The following MICOS10 variants were observed in gnomAD, a reference collection of about 807,000 sequenced individuals.
MICOS10 encodes the protein mitochondrial contact site and cristae organizing system subunit 10, also known as MICOS complex subunit MIC10.
A neutral mutation model predicts 13.4 loss-of-function variants in MICOS10; 5 were observed. The ratio of observed to expected loss-of-function variants is 0.37; its 90% CI spans 0.20 to 0.78. MICOS10 has a LOEUF of 0.78. Among genes scored for constraint, MICOS10 ranks in the 30% least tolerant of loss-of-function variants. The pLI is 0.47. For missense variants in MICOS10, 101 were observed against 94.6 expected (o/e 1.07, Z -0.28); for synonymous variants, 35 against 33.6 (o/e 1.04, Z -0.15).
At chr1:19,622,793 G>A (rs952037510) in intron 2 of MICOS10, among the ~76,000 whole-genome samples, 3 of 151,976 alleles carry the variant, frequency 2.0e-5, no homozygotes, top group African/African-American at 4.8e-5. Context: ...TGTAAATATC[G>A]GTAAAATGCT....
At chr1:19,607,579 A>G (rs905032134) in intron 1 of MICOS10, among the ~76,000 whole-genome samples, 2 of 152,254 alleles carry the variant, frequency 1.3e-5, no homozygotes, top group African/African-American at 4.8e-5. Flanking sequence ...GAAAGCTAAC[A>G]TTAATTGAAT....
intron 2 of MICOS10, among the ~76,000 whole-genome samples, chr1:19,622,452 CAG>C (rs1319315250): frequency 5.3e-5 from 8 of 152,142 alleles, no homozygotes; most frequent in African/African-American, 1.9e-4. Flanking sequence ...TCTACACGCT[CAG>C]ATATTTCTAA....
intron 1 of MICOS10, among the ~76,000 whole-genome samples, chr1:19,611,469 ATTTTTTTT>A (rs768118529): frequency 1.1e-5 from 1 of 90,372 alleles, no homozygotes; most frequent in African/African-American, 5.2e-5. Context: ...TTGCAACTTG[ATTTTTTTT>A]TTTTTTTTTT....
intron 1 of MICOS10, chr1:19,617,302 C>T (rs2094887749): frequency 1.0e-6 from 1 of 985,012 alleles, no homozygotes; most frequent in African/African-American, 1.7e-5. Context: ...TGCAGATGTT[C>T]CAGCCTCTGT....
At chr1:19,606,732 C>A (rs1384283145) in intron 1 of MICOS10, among the ~76,000 whole-genome samples, 2 of 147,456 alleles carry the variant, frequency 1.4e-5, no homozygotes, top group Non-Finnish European at 3.0e-5. Flanking sequence ...GGCGACAGAA[C>A]AAGAAGGCTC....
intron 1 of MICOS10, among the ~76,000 whole-genome samples, chr1:19,615,676 G>A (rs1341615027): frequency 2.7e-5 from 4 of 146,502 alleles, no homozygotes; most frequent in South Asian, 4.3e-4. Flanking sequence ...AGGCTCAAGC[G>A]ATCCTCCCAC....
chr1:19,608,539 GA>G, intron 1 of MICOS10: 1 of 984,680 alleles, frequency 1.0e-6, no homozygotes, highest in African/African-American at 1.6e-5. Flanking sequence ...GCACTCTCAG[GA>G]AGGGGGTCAC....
chr1:19,602,041 T>C (rs569344591), intron 1 of MICOS10, among the ~76,000 whole-genome samples: 2 of 152,352 alleles, frequency 1.3e-5, no homozygotes, highest in African/African-American at 2.4e-5. Flanking sequence ...TTATTCTTTA[T>C]CACATCATTT....
rs1360409877 is a variant in MICOS10 at position 19,626,639 on chromosome 1, A to G, written c.*238A>G. Reference sequence around the variant, plus strand: ...TAAACAAAAAGAGGAAGTCCATTGCATGGCCTTTGTTTCTTCACCTTTGGT... The same window carrying G: ...TAAACAAAAAGAGGAAGTCCATTGCGTGGCCTTTGTTTCTTCACCTTTGGT... On this transcript the variant is annotated 3_prime_UTR_variant, in exon 4 of 4. Coordinates refer to ENST00000322753, the MANE Select transcript of MICOS10 (RefSeq NM_001032363.4). 3 of 514,704 alleles carry G rather than the reference A, an allele frequency of 5.8e-6. No individual in the cohort carries two copies. The highest frequency in any genetic ancestry group is 3.5e-6 in the Non-Finnish European group (1 of 283,852). 31.9% of individuals were successfully genotyped at this position (514,704 alleles called of 1,614,324 possible).
chr1:19,606,003 A>C (rs1570471916), intron 1 of MICOS10, among the ~76,000 whole-genome samples: 1 of 152,226 alleles, frequency 6.6e-6, no homozygotes, highest in African/African-American at 2.4e-5. Flanking sequence ...TTCTGATTTC[A>C]GAAAGATCAC....
intron 1 of MICOS10, among the ~76,000 whole-genome samples, chr1:19,611,469 ATTTTTT>A (rs768118529): frequency 1.1e-5 from 1 of 90,372 alleles, no homozygotes. Flanking sequence ...TTGCAACTTG[ATTTTTT>A]TTTTTTTTTT....
At chr1:19,611,880 G>C (rs112734856) in intron 1 of MICOS10, among the ~76,000 whole-genome samples, 3,046 of 149,942 alleles carry the variant, frequency 0.02, 103 homozygotes, top group African/African-American at 0.071. Context: ...GCTGAGGCAG[G>C]AGAATCGCTT....
rs1460453128 is a variant in MICOS10 at position 19,629,729 on chromosome 1, T to C, written c.*3328T>C. 1 of 152,228 alleles carries C rather than the reference T, an allele frequency of 6.6e-6. No individual in the cohort carries two copies. Among genetic ancestry groups the C allele is most frequent in the African/African-American group, 2.4e-5 (1 of 41,464 alleles). 9.4% of individuals were successfully genotyped at this position (152,228 alleles called of 1,614,324 possible). Reference sequence around the variant, plus strand: ...TTTTAAAAATGTAACCAACCCATAATTGCATTTTACTTGTCGTGGTTCGAT... The same window carrying C: ...TTTTAAAAATGTAACCAACCCATAACTGCATTTTACTTGTCGTGGTTCGAT... On this transcript the variant is annotated 3_prime_UTR_variant, in exon 4 of 4. Transcript: ENST00000322753.
At chr1:19,626,356 C>G in intron 3 of MICOS10, 31 bp from the exon 4 acceptor site, 1 of 1,613,878 alleles carries the variant, frequency 6.2e-7, no homozygotes, top group Non-Finnish European at 8.5e-7. Context: ...GCCGTCTGCA[C>G]AGTTTTAAGC....
chr1:19,626,225 C>G (rs1404335954), intron 3 of MICOS10, among the ~76,000 whole-genome samples, 162 bp from the exon 4 acceptor site: 3 of 152,180 alleles, frequency 2.0e-5, no homozygotes, highest in African/African-American at 7.2e-5. Context: ...CTCTTAGGAA[C>G]CTAGGTAGGG....
intron 1 of MICOS10, chr1:19,608,360 C>T (rs1262302853): frequency 7.8e-7 from 1 of 1,277,370 alleles, no homozygotes; most frequent in Non-Finnish European, 1.1e-6. Flanking sequence ...GGATGTGGCC[C>T]AGAGGTGCAA....
chr1:19,606,994 G>A (rs986988328), intron 1 of MICOS10, among the ~76,000 whole-genome samples: 2 of 152,232 alleles, frequency 1.3e-5, no homozygotes, highest in Non-Finnish European at 2.9e-5. Flanking sequence ...TTACCACAAA[G>A]CATTGGTGGC....
chr1:19,607,588 A>G (rs1356743741), intron 1 of MICOS10, among the ~76,000 whole-genome samples: 1 of 152,196 alleles, frequency 6.6e-6, no homozygotes, highest in Non-Finnish European at 1.5e-5. Context: ...CATTAATTGA[A>G]TGCCTATTAA....
At chr1:19,602,231 T>C (rs909225487) in intron 1 of MICOS10, among the ~76,000 whole-genome samples, 2 of 152,190 alleles carry the variant, frequency 1.3e-5, no homozygotes, top group African/African-American at 4.8e-5. Context: ...CATGTATTGC[T>C]GAGAATTTTG....
Sources: allele counts gnomAD v4.1 joint callset (sites outside exome capture counted in the v4.1 genomes callset), GRCh38; gene constraint gnomAD v4.1.1; transcripts MANE v1.5; gene names NCBI Gene and HGNC (gene_info 2026-07-23, HGNC 2026-07-21).